RCAN2: variants seen among roughly 807,000 people sequenced by gnomAD.
RCAN2 encodes the protein regulator of calcineurin 2, also known as calcipressin-2.
A neutral mutation model predicts 23.6 loss-of-function variants in RCAN2; 9 were observed. The ratio of observed to expected loss-of-function variants is 0.38; its 90% CI spans 0.23 to 0.67. RCAN2 has a LOEUF of 0.67. Ranked by LOEUF, RCAN2 falls within the 30% of genes least tolerant of loss-of-function variation. The pLI, the probability that RCAN2 is intolerant of heterozygous loss-of-function variation, is 0.51. For synonymous variants in RCAN2, 109 were observed against 115.7 expected (o/e 0.94, Z 0.37); for missense variants, 273 against 302.3 (o/e 0.90, Z 0.72).
chr6:46,276,426 T>C (rs1030764777), intron 2 of RCAN2, among the ~76,000 whole-genome samples: 1 of 152,122 alleles, frequency 6.6e-6, no homozygotes, highest in Non-Finnish European at 1.5e-5. Flanking sequence ...CAGGAGTATG[T>C]AAGGTATGGC....
intron 2 of RCAN2, among the ~76,000 whole-genome samples, chr6:46,362,875 C>G (rs1050818293): frequency 1.1e-4 from 17 of 152,296 alleles, no homozygotes; most frequent in Non-Finnish European, 2.5e-4. Flanking sequence ...TAGCTCATTC[C>G]TCTTATCAGG....
rs58129587 is a variant in RCAN2 at position 46,410,658 on chromosome 6, G to A, written c.225+46094C>T. On this transcript the variant is annotated intron_variant, in intron 2 of 4. Transcript: ENST00000371374. ...TATTTACAGAATGTCTATTCTAGGC[G>A]AGGTTCCAGATTAGAAACTGGCCCA... is the stretch of plus-strand genomic sequence containing the variant. 6.4e-3 allele frequency among the ~76,000 whole-genome samples: 970 copies of A among 152,260 alleles called. 11 individuals are homozygous for A. The highest frequency in any genetic ancestry group is 0.022 in the African/African-American group (929 of 41,534).
intron 2 of RCAN2, among the ~76,000 whole-genome samples, chr6:46,409,638 A>G (rs1766495049): frequency 6.6e-6 from 1 of 152,220 alleles, no homozygotes; most frequent in South Asian, 2.1e-4. Flanking sequence ...CATTATGTAC[A>G]TTATGAGCAG....
intron 2 of RCAN2, among the ~76,000 whole-genome samples, chr6:46,443,324 T>C (rs1945706937): frequency 6.6e-6 from 1 of 152,154 alleles, no homozygotes; most frequent in Non-Finnish European, 1.5e-5. Context: ...ACTTAAACCA[T>C]AGTGAATTAT....
At chr6:46,367,275 G>A (rs749656911) in intron 2 of RCAN2, among the ~76,000 whole-genome samples, 23 of 151,732 alleles carry the variant, frequency 1.5e-4, no homozygotes, top group South Asian at 4.2e-4. Flanking sequence ...TTCACAAGCC[G>A]TTGATAATTC....
rs147827351 is a variant in RCAN2 at position 46,273,495 on chromosome 6, T to G, written c.226-24599A>C. ...CAGAGGAAACATTACTATTACCACT[T>G]TTCAGATGAAGAAAATATGACTTAA... On this transcript the variant is annotated intron_variant, in intron 2 of 4. Coordinates refer to ENST00000371374, the MANE Select transcript of RCAN2 (RefSeq NM_001251974.2). Among the ~76,000 whole-genome samples the G allele has an allele frequency of 2.1e-3, 314 of 152,284 alleles. 1 individual carries two copies. The highest frequency in any genetic ancestry group is 7.4e-3 in the African/African-American group (306 of 41,566).
At position 46,456,874 on chromosome 6, in the gene RCAN2, A is replaced by G. The variant is rs777976492; in HGVS notation, c.103T>C (p.Trp35Arg). Residue 35 changes from tryptophan (W) to arginine (R), a missense_variant, in exon 2 of 5, where the codon TGG becomes CGG. Coordinates refer to ENST00000371374, the MANE Select transcript of RCAN2 (RefSeq NM_001251974.2). The part of the protein sequence containing the change: ...LFLLCCIDRD[W>R]AVTRCFAEEA... ...TCTGCAAAACAACGAGTGACAGCCC[A>G]GTCCCTGTCTATGCAGCACAGTAAG... The G allele has an allele frequency of 1.0e-5, 16 of 1,550,568 alleles. No individual in the cohort carries two copies. The highest frequency in any genetic ancestry group is 1.4e-5 in the Non-Finnish European group (16 of 1,147,000).
intron 2 of RCAN2, among the ~76,000 whole-genome samples, chr6:46,354,040 T>A (rs1489205140): frequency 2.6e-5 from 4 of 152,198 alleles, no homozygotes; most frequent in African/African-American, 9.6e-5. Flanking sequence ...AACCAGAATA[T>A]ATTTTGTACA....
intron 2 of RCAN2, among the ~76,000 whole-genome samples, chr6:46,308,935 G>T (rs918928109): frequency 8.5e-5 from 13 of 152,116 alleles, no homozygotes; most frequent in Admixed American, 7.2e-4. Flanking sequence ...ACATAAAATA[G>T]GGGACACTTA....
chr6:46,228,592 G>A (rs1289707906), intron 4 of RCAN2, among the ~76,000 whole-genome samples: 1 of 152,046 alleles, frequency 6.6e-6, no homozygotes, highest in African/African-American at 2.4e-5. Flanking sequence ...GACTAGGATT[G>A]CAACCCCTGC....
At chr6:46,337,603 C>T (rs1443887578) in intron 2 of RCAN2, among the ~76,000 whole-genome samples, 1 of 152,218 alleles carries the variant, frequency 6.6e-6, no homozygotes, top group Non-Finnish European at 1.5e-5. Context: ...CCTGTTTTAA[C>T]TGTGACACCA....
At chr6:46,244,243 T>G (rs1304173357) in intron 4 of RCAN2, among the ~76,000 whole-genome samples, 1 of 152,210 alleles carries the variant, frequency 6.6e-6, no homozygotes, top group African/African-American at 2.4e-5. Context: ...TATTTACCAC[T>G]CCGAGCTCCC....
intron 1 of RCAN2, among the ~76,000 whole-genome samples, chr6:46,484,526 G>T (rs1471967068): frequency 6.6e-6 from 1 of 152,166 alleles, no homozygotes; most frequent in African/African-American, 2.4e-5. Flanking sequence ...TAACTTTTCA[G>T]GATTTATAAA....
At chr6:46,394,638 T>C (rs1015852046) in intron 2 of RCAN2, among the ~76,000 whole-genome samples, 1 of 152,196 alleles carries the variant, frequency 6.6e-6, no homozygotes, top group South Asian at 2.1e-4. Flanking sequence ...TAGGACTTTA[T>C]AGCCTGTAAG....
At chr6:46,317,257 C>T (rs1381519634) in intron 2 of RCAN2, among the ~76,000 whole-genome samples, 3 of 152,114 alleles carry the variant, frequency 2.0e-5, no homozygotes, top group Non-Finnish European at 2.9e-5. Flanking sequence ...AAAATAGATG[C>T]TATGCCTTCA....
At chr6:46,253,140 T>C (rs561831524) in intron 2 of RCAN2, among the ~76,000 whole-genome samples, 57 of 152,230 alleles carry the variant, frequency 3.7e-4, no homozygotes, top group Non-Finnish European at 5.3e-4. Flanking sequence ...ATCACATTCA[T>C]TAATACTATA....
intron 2 of RCAN2, among the ~76,000 whole-genome samples, chr6:46,251,274 A>G (rs1050446046): frequency 1.3e-5 from 2 of 152,158 alleles, no homozygotes. Flanking sequence ...GTGTCCCAAC[A>G]ATACTGTGTT....
At chr6:46,305,012 T>C (rs1763018661) in intron 2 of RCAN2, among the ~76,000 whole-genome samples, 1 of 152,104 alleles carries the variant, frequency 6.6e-6, no homozygotes, top group Non-Finnish European at 1.5e-5. Context: ...GTGCATCACT[T>C]CATAGTCTCC....
At chr6:46,314,032 T>C (rs1275082617) in intron 2 of RCAN2, among the ~76,000 whole-genome samples, 2 of 152,094 alleles carry the variant, frequency 1.3e-5, no homozygotes, top group Non-Finnish European at 2.9e-5. Flanking sequence ...TTTCTTTTTG[T>C]TTTTTAGTAT....
Sources: allele counts gnomAD v4.1 joint callset (sites outside exome capture counted in the v4.1 genomes callset), GRCh38; gene constraint gnomAD v4.1.1; transcripts MANE v1.5; gene names NCBI Gene and HGNC (gene_info 2026-07-23, HGNC 2026-07-21).